The following KCNMB2 variants were observed in gnomAD, a reference collection of about 807,000 sequenced individuals.
The protein encoded by KCNMB2 is potassium calcium-activated channel subfamily M regulatory beta subunit 2.
KCNMB2 carries 9 observed loss-of-function variants against 24.5 expected under a neutral mutation model. The observed-to-expected ratio is 0.37, with a 90% CI of 0.22 to 0.64. The LOEUF (loss-of-function observed/expected upper bound fraction) is 0.64, where lower values mean the gene tolerates loss of function less well. KCNMB2 is among the 30% of genes least tolerant of loss of function. The pLI is 0.63. For missense variants in KCNMB2, 226 were observed against 284.3 expected, an observed-to-expected ratio of 0.79 and a Z score of 1.47; for synonymous variants, 109 against 104.4, an observed-to-expected ratio of 1.04 and a Z score of -0.27.
intron 1 of KCNMB2, among the ~76,000 whole-genome samples, chr3:178,675,999 C>T (rs1042502905): frequency 5.3e-5 from 8 of 152,096 alleles, no homozygotes; most frequent in Non-Finnish European, 4.4e-5. Context: ...AATACTGAGG[C>T]TCAGAAAGGT....
chr3:178,631,353 C>T (rs1002431735), intron 1 of KCNMB2, among the ~76,000 whole-genome samples: 1 of 152,250 alleles, frequency 6.6e-6, no homozygotes, highest in Admixed American at 6.5e-5. Context: ...CTTATTAGTG[C>T]TGTCAGTAAC....
chr3:178,828,504 C>T (rs1489078636), intron 4 of KCNMB2, 131 bp downstream of exon 4: 90 of 624,744 alleles, frequency 1.4e-4, no homozygotes, highest in Middle Eastern at 6.3e-4. Flanking sequence ...CTCTTCCATT[C>T]AGAGAACTTG....
chr3:178,676,008 G>A (rs1721059224), intron 1 of KCNMB2, among the ~76,000 whole-genome samples: 1 of 152,166 alleles, frequency 6.6e-6, no homozygotes, highest in African/African-American at 2.4e-5. Flanking sequence ...GCTCAGAAAG[G>A]TTAATCAGCT....
intron 4 of KCNMB2, among the ~76,000 whole-genome samples, chr3:178,833,333 C>T (rs1715111454): frequency 6.6e-6 from 1 of 152,138 alleles, no homozygotes; most frequent in East Asian, 1.9e-4. Flanking sequence ...ACCCCTCTTC[C>T]ACAATCAGCA....
intron 1 of KCNMB2, among the ~76,000 whole-genome samples, chr3:178,760,360 CCATATCCAAGATATATATATTATAT>C: frequency 9.6e-6 from 1 of 103,822 alleles, no homozygotes; most frequent in East Asian, 2.6e-4. Context: ...ATATATATAT[CCATATCCAAGATATATATATTATAT>C]ATATATCCAT....
At chr3:178,582,521 A>C (rs954148813) in intron 1 of KCNMB2, among the ~76,000 whole-genome samples, 1 of 152,110 alleles carries the variant, frequency 6.6e-6, no homozygotes, top group Non-Finnish European at 1.5e-5. Flanking sequence ...AAATAGAAAA[A>C]AATCAGATAA....
In KCNMB2 at chr3:178,828,392, G is replaced by T. The variant is rs770007662; in HGVS notation, c.423+19G>T. 1 of 1,584,300 alleles carries T rather than the reference G, an allele frequency of 6.3e-7. No individual in the cohort carries two copies. The highest frequency in any genetic ancestry group is 1.3e-5 in the African/African-American group (1 of 74,276). On this transcript the variant is annotated intron_variant, in intron 4 of 4. Transcript: ENST00000452583. ...TCAGAAGGTAGGAACTTGGCGTACT[G>T]CATTTCAGTTACCCCACAGAGCTTC...
intron 1 of KCNMB2, among the ~76,000 whole-genome samples, chr3:178,705,591 A>G (rs1468964910): frequency 1.3e-5 from 2 of 152,222 alleles, no homozygotes; most frequent in African/African-American, 4.8e-5. Context: ...ATGCTTAAAA[A>G]TAAGTTCCAG....
intron 1 of KCNMB2, among the ~76,000 whole-genome samples, chr3:178,668,358 T>C (rs1720790186): frequency 6.6e-6 from 1 of 152,108 alleles, no homozygotes; most frequent in African/African-American, 2.4e-5. Context: ...TAAGTGTGTA[T>C]TGAATACAGG....
At chr3:178,725,991 T>G (rs1330463259) in intron 1 of KCNMB2, among the ~76,000 whole-genome samples, 1 of 151,924 alleles carries the variant, frequency 6.6e-6, no homozygotes, top group East Asian at 1.9e-4. Context: ...TTCTCTATTT[T>G]TCATTCCTTT....
chr3:178,628,464 G>A (rs182361212), intron 1 of KCNMB2, among the ~76,000 whole-genome samples: 35 of 152,270 alleles, frequency 2.3e-4, no homozygotes, highest in African/African-American at 8.2e-4. Flanking sequence ...CAAAATGCTG[G>A]AGAGGGTAGG....
intron 1 of KCNMB2, among the ~76,000 whole-genome samples, chr3:178,558,148 T>C (rs563135903): frequency 6.6e-6 from 1 of 151,666 alleles, no homozygotes; most frequent in South Asian, 2.1e-4. Flanking sequence ...AAGAGTTTCT[T>C]ATGACTAGTG....
chr3:178,715,979 T>C (rs1010443333), intron 1 of KCNMB2, among the ~76,000 whole-genome samples: 2 of 152,156 alleles, frequency 1.3e-5, no homozygotes, highest in East Asian at 3.9e-4. Context: ...CTCTTATGCT[T>C]TATAGGACTT....
chr3:178,757,261 C>G (rs1433569855), intron 1 of KCNMB2: 1 of 135,154 alleles, frequency 7.4e-6, no homozygotes, highest in East Asian at 2.1e-4. Flanking sequence ...TATATATACA[C>G]GTGTGTGTGT....
chr3:178,673,550 C>T (rs1177634132), intron 1 of KCNMB2, among the ~76,000 whole-genome samples: 4 of 152,052 alleles, frequency 2.6e-5, no homozygotes, highest in Non-Finnish European at 5.9e-5. Context: ...ACCTTCCCTC[C>T]TCTTACTATA....
chr3:178,715,043 CAG>C (rs1172755272), intron 1 of KCNMB2, among the ~76,000 whole-genome samples: 3 of 152,080 alleles, frequency 2.0e-5, no homozygotes, highest in African/African-American at 4.8e-5. Flanking sequence ...AGGAAAATTA[CAG>C]AGAGATTTTG....
At chr3:178,560,086 T>A (rs1321273869) in intron 1 of KCNMB2, among the ~76,000 whole-genome samples, 1 of 148,248 alleles carries the variant, frequency 6.7e-6, no homozygotes, top group Admixed American at 6.7e-5. Flanking sequence ...TACTAATATA[T>A]ATAAATTACT....
chr3:178,550,699 G>A (rs953074286), intron 1 of KCNMB2, among the ~76,000 whole-genome samples: 5 of 151,844 alleles, frequency 3.3e-5, no homozygotes, highest in African/African-American at 7.3e-5. Flanking sequence ...GTATTAGCAG[G>A]GTTCCAATCT....
intron 1 of KCNMB2, among the ~76,000 whole-genome samples, chr3:178,781,940 C>A (rs866134657): frequency 9.1e-6 from 1 of 110,126 alleles, no homozygotes; most frequent in African/African-American, 3.6e-5. Context: ...TCCCTCCCCC[C>A]TCCCCCCACC....
Sources: gnomAD v4.1 joint callset for allele counts (sites outside exome capture counted in the v4.1 genomes callset) on GRCh38, gnomAD v4.1.1 for gene constraint, MANE v1.5 for transcripts, NCBI Gene and HGNC (gene_info 2026-07-23, HGNC 2026-07-21) for gene names.